The following ADAMTS6 variants were observed in gnomAD, a reference collection of about 807,000 sequenced individuals.
ADAMTS6 encodes the protein A disintegrin and metalloproteinase with thrombospondin motifs 6.
ADAMTS6 carries 23 observed loss-of-function variants against 144.3 expected under a neutral mutation model. The ratio of observed to expected loss-of-function variants is 0.16; its 90% CI spans 0.11 to 0.23. The LOEUF (loss-of-function observed/expected upper bound fraction) is 0.23. ADAMTS6 is among the 10% of genes least tolerant of loss of function. The pLI is 1.00. For synonymous variants in ADAMTS6, 444 were observed against 457.5 expected (o/e 0.97, Z 0.38); for missense variants, 999 against 1,379.6 (o/e 0.72, Z 4.37).
intron 7 of ADAMTS6, among the ~76,000 whole-genome samples, chr5:65,376,143 G>C (rs1751513396): frequency 6.6e-6 from 1 of 152,092 alleles, no homozygotes; most frequent in Non-Finnish European, 1.5e-5. Flanking sequence ...GATAGCATTG[G>C]GAGATGTACC....
At chr5:65,409,634 C>G (rs1754881992) in intron 7 of ADAMTS6, among the ~76,000 whole-genome samples, 1 of 152,182 alleles carries the variant, frequency 6.6e-6, no homozygotes, top group Non-Finnish European at 1.5e-5. Context: ...AGAAATCCTC[C>G]TAACTCATTT....
chr5:65,417,971 A>C (rs556922478), intron 7 of ADAMTS6, among the ~76,000 whole-genome samples: 1 of 152,314 alleles, frequency 6.6e-6, no homozygotes, highest in Non-Finnish European at 1.5e-5. Flanking sequence ...CTGGCTTCAA[A>C]CTATACTATA....
intron 19 of ADAMTS6, among the ~76,000 whole-genome samples, 190 bp from the exon 20 acceptor site, chr5:65,215,122 C>G (rs1056695752): frequency 6.6e-6 from 1 of 152,152 alleles, no homozygotes; most frequent in African/African-American, 2.4e-5. Context: ...TTTCATCTGT[C>G]TTGTTTGGTT....
At chr5:65,207,770 G>T (rs927345649) in intron 20 of ADAMTS6, among the ~76,000 whole-genome samples, 13 of 152,140 alleles carry the variant, frequency 8.5e-5, no homozygotes, top group African/African-American at 3.1e-4. Flanking sequence ...GTTCAAACAG[G>T]GGCCATATGC....
chr5:65,308,183 C>T (rs1355887432), intron 9 of ADAMTS6, among the ~76,000 whole-genome samples: 2 of 152,160 alleles, frequency 1.3e-5, no homozygotes. Context: ...AATAAAAAGC[C>T]TATGTCTGTA....
At chr5:65,425,819 A>G (rs1346979974) in intron 7 of ADAMTS6, among the ~76,000 whole-genome samples, 1 of 150,676 alleles carries the variant, frequency 6.6e-6, no homozygotes, top group African/African-American at 2.4e-5. Flanking sequence ...GCTTGAGTGC[A>G]GTGGCGCGAT....
intron 9 of ADAMTS6, among the ~76,000 whole-genome samples, chr5:65,318,775 T>C (rs1429282668): frequency 6.6e-6 from 1 of 152,086 alleles, no homozygotes; most frequent in African/African-American, 2.4e-5. Context: ...GGCTGGTTAA[T>C]AGGTACCAAA....
chr5:65,442,302 G>GA (rs1580717416), intron 7 of ADAMTS6, among the ~76,000 whole-genome samples: 1 of 151,900 alleles, frequency 6.6e-6, no homozygotes, highest in East Asian at 1.9e-4. Flanking sequence ...TCACCACTTG[G>GA]AAAAAATAAA....
At chr5:65,197,310 C>T (rs1755452174) in intron 20 of ADAMTS6, among the ~76,000 whole-genome samples, 159 bp from the exon 21 acceptor site, 2 of 152,142 alleles carry the variant, frequency 1.3e-5, no homozygotes, top group African/African-American at 4.8e-5. Context: ...AAGACCTGGT[C>T]ATTATACTGA....
At chr5:65,322,561 G>GTTTTTTTT (rs3049530) in intron 9 of ADAMTS6, among the ~76,000 whole-genome samples, 1 of 118,422 alleles carries the variant, frequency 8.4e-6, no homozygotes. Flanking sequence ...GTGGTATGTA[G>GTTTTTTTT]TTTTTTTTTT....
At chr5:65,371,219 C>G (rs1303634827) in intron 7 of ADAMTS6, among the ~76,000 whole-genome samples, 2 of 152,192 alleles carry the variant, frequency 1.3e-5, no homozygotes, top group Admixed American at 6.5e-5. Context: ...AGCACCTCTC[C>G]TCCTCCAAAG....
chr5:65,312,916 A>G (rs1744640182), intron 9 of ADAMTS6, among the ~76,000 whole-genome samples: 1 of 151,882 alleles, frequency 6.6e-6, no homozygotes, highest in African/African-American at 2.4e-5. Context: ...GGAACAAGGA[A>G]ACTTTGGCCA....
chr5:65,435,959 T>A (rs1757368746), intron 7 of ADAMTS6, among the ~76,000 whole-genome samples: 1 of 152,284 alleles, frequency 6.6e-6, no homozygotes, highest in African/African-American at 2.4e-5. Context: ...ATGAATATTT[T>A]TTAAAATAAA....
intron 14 of ADAMTS6, among the ~76,000 whole-genome samples, chr5:65,259,059 A>G (rs1580212720): frequency 6.6e-6 from 1 of 152,206 alleles, no homozygotes; most frequent in East Asian, 1.9e-4. Flanking sequence ...GGTCAGAGTA[A>G]AGAGTAGTAG....
chr5:65,341,689 A>C (rs11749274), intron 7 of ADAMTS6, among the ~76,000 whole-genome samples: 17,220 of 152,180 alleles, frequency 0.11, 1,042 homozygotes, highest in African/African-American at 0.15. Flanking sequence ...AAGAGACTGA[A>C]TCAATAATAA....
At chr5:65,403,629 T>G (rs1257668413) in intron 7 of ADAMTS6, among the ~76,000 whole-genome samples, 1 of 152,128 alleles carries the variant, frequency 6.6e-6, no homozygotes, top group African/African-American at 2.4e-5. Context: ...GGCATTCTAT[T>G]CCAAGTACAT....
chr5:65,309,928 TG>T (rs1561406950), intron 9 of ADAMTS6, among the ~76,000 whole-genome samples: 1 of 152,022 alleles, frequency 6.6e-6, no homozygotes, highest in Non-Finnish European at 1.5e-5. Context: ...GCAACTGATA[TG>T]GTTTGGATCT....
chr5:65,288,822 C>T (rs1439410096), intron 11 of ADAMTS6, among the ~76,000 whole-genome samples: 1 of 152,176 alleles, frequency 6.6e-6, no homozygotes, highest in Non-Finnish European at 1.5e-5. Context: ...GTTTGTTTTT[C>T]CCTTCAGCTG....
intron 9 of ADAMTS6, among the ~76,000 whole-genome samples, chr5:65,306,901 A>G (rs1353982380): frequency 6.6e-6 from 1 of 152,114 alleles, no homozygotes; most frequent in African/African-American, 2.4e-5. Flanking sequence ...AGTTCTTTAT[A>G]TATTCTTGAA....
Sources: gnomAD v4.1 joint callset for allele counts (sites outside exome capture counted in the v4.1 genomes callset) on GRCh38, gnomAD v4.1.1 for gene constraint, MANE v1.5 for transcripts, NCBI Gene and HGNC (gene_info 2026-07-23, HGNC 2026-07-21) for gene names.